The following CD72 variants were observed in gnomAD, a reference collection of about 807,000 sequenced individuals.
CD72 encodes B-cell differentiation antigen CD72.
In CD72, 28 loss-of-function variants were observed where a neutral mutation model predicts 50.7. That is an observed-to-expected ratio of 0.55 (90% confidence interval 0.41 to 0.76). The LOEUF (loss-of-function observed/expected upper bound fraction) is 0.76. CD72 is among the 30% of genes least tolerant of loss of function. The probability of loss-of-function intolerance (pLI) is 0.00; values close to 1 mark genes in which losing one functional copy is unlikely to be tolerated. For missense variants in CD72, 403 were observed against 420.6 expected (o/e 0.96, Z 0.37); for synonymous variants, 176 against 171.2 (o/e 1.03, Z -0.22).
chr9:35,617,159 C>G lies in CD72; in HGVS notation c.262+17G>C. 3.9e-6 allele frequency: 6 copies of G among 1,556,226 alleles called. No individual in the cohort carries two copies. The highest frequency in any genetic ancestry group is 5.2e-6 in the Non-Finnish European group (6 of 1,149,892). On this transcript the variant is annotated intron_variant, in intron 3 of 8. Coordinates refer to ENST00000259633, the MANE Select transcript of CD72 (RefSeq NM_001782.3). The stretch of plus-strand genomic sequence containing the variant: ...CGAGCACTTGGCCCCGCGGCTGCCC[C>G]GCACAGGCACACTCACAGGGGAGAA...
intron 5 of CD72, among the ~76,000 whole-genome samples, chr9:35,613,720 C>G (rs890074385): frequency 1.3e-5 from 2 of 152,106 alleles, no homozygotes; most frequent in Admixed American, 6.6e-5. Flanking sequence ...AAAGAAATCC[C>G]TGCTGGGCAC....
intron 6 of CD72, among the ~76,000 whole-genome samples, chr9:35,612,307 G>A (rs1244316647): frequency 7.9e-5 from 12 of 152,148 alleles, no homozygotes; most frequent in Non-Finnish European, 1.2e-4. Flanking sequence ...AGTAGAGGCC[G>A]GGCGCAGTGG....
chr9:35,611,215 C>T (rs1563894060), intron 7 of CD72, among the ~76,000 whole-genome samples: 3 of 150,950 alleles, frequency 2.0e-5, no homozygotes, highest in Non-Finnish European at 4.4e-5. Flanking sequence ...TGCACCACTG[C>T]ACTCCAGTCT....
rs1244077138 is a variant in CD72, at chr9:35,610,314, G to T, written c.*23-14C>A. The T allele has an allele frequency of 8.3e-6, 2 of 241,240 alleles. No individual in the cohort carries two copies. The highest frequency in any genetic ancestry group is 1.3e-4 in the Admixed American group (2 of 15,986). 14.9% of individuals were successfully genotyped at this position (241,240 alleles called of 1,614,324 possible). On this transcript the variant is annotated splice_polypyrimidine_tract_variant and intron_variant, in intron 8 of 8. Transcript: ENST00000259633. ...TGGCATGAGTGTCTGGAAAAGTAAA[G>T]TATCAGTGAGCTCCATGGTTGACTT...
intron 7 of CD72, 49 bp downstream of exon 7, chr9:35,611,755 T>C (rs1233733998): frequency 1.0e-6 from 1 of 969,342 alleles, no homozygotes; most frequent in Non-Finnish European, 1.7e-6. Context: ...CATGTCTTTA[T>C]GGAGGGGATT....
Position 35,612,863 on chromosome 9 carries a change from T to C in CD72, c.819A>G (p.Glu273=), listed in dbSNP as rs778077034. 1 of 1,614,174 alleles carries C rather than the reference T, an allele frequency of 6.2e-7. No homozygotes were observed. The highest frequency in any genetic ancestry group is 8.5e-7 in the Non-Finnish European group (1 of 1,180,008). Residue 273 remains glutamate, a synonymous_variant, in exon 6 of 9, where the codon GAA becomes GAG. Coordinates refer to ENST00000259633, the MANE Select transcript of CD72 (RefSeq NM_001782.3). ...TLSSKLATFS[E]IYPQSHSYYF... is the part of the protein sequence containing the mutation. The stretch of plus-strand genomic sequence containing the variant: ...ATATGCTTACTGATTGTGGATAAAT[T>C]TCACTGAATGTGGCCAGCTTGGAAG...
chr9:35,616,531 C>G, intron 4 of CD72, 69 bp downstream of exon 4: 1 of 1,276,066 alleles, frequency 7.8e-7, no homozygotes, highest in Non-Finnish European at 1.1e-6. Context: ...TGAGGAAGAT[C>G]AGCTTTGGGG....
intron 8 of CD72, 145 bp from the exon 9 acceptor site, chr9:35,610,445 C>A (rs891473245): frequency 3.4e-6 from 1 of 298,046 alleles, no homozygotes; most frequent in Non-Finnish European, 6.7e-6. Flanking sequence ...CTGCCCACCC[C>A]ACCCTAACAA....
At chr9:35,617,993 C>T (rs1282330690) in intron 2 of CD72, 21 bp downstream of exon 2, 5 of 1,429,036 alleles carry the variant, frequency 3.5e-6, no homozygotes, top group Non-Finnish European at 4.9e-6. Context: ...AACAAACACA[C>T]ATCCCCCAGG....
At chr9:35,645,401 G>A (rs1823382310) in intron 1 of CD72, among the ~76,000 whole-genome samples, 1 of 151,970 alleles carries the variant, frequency 6.6e-6, no homozygotes, top group African/African-American at 2.4e-5. Context: ...GGCCAACACG[G>A]TGAAACCCCG....
chr9:35,610,822 C>T (rs764421536), intron 7 of CD72, 69 bp from the exon 8 acceptor site: 1 of 1,354,166 alleles, frequency 7.4e-7, no homozygotes, highest in Admixed American at 1.7e-5. Context: ...CTCCCCTTCC[C>T]CTGTATAAAA....
At chr9:35,617,385 T>C (rs1474060301) in intron 2 of CD72, 138 bp from the exon 3 acceptor site, 2 of 945,824 alleles carry the variant, frequency 2.1e-6, no homozygotes, top group African/African-American at 3.4e-5. Flanking sequence ...TGGGACACAG[T>C]GTCACTCTCC....
chr9:35,640,741 T>C (rs1449347646), intron 1 of CD72, among the ~76,000 whole-genome samples: 1 of 152,148 alleles, frequency 6.6e-6, no homozygotes, highest in Non-Finnish European at 1.5e-5. Context: ...GTAACAAACA[T>C]GGACCAGAAG....
At chr9:35,623,804 C>T (rs1451250462), upstream of CD72, among the ~76,000 whole-genome samples, 1 of 152,150 alleles carries the variant, frequency 6.6e-6, no homozygotes, top group Non-Finnish European at 1.5e-5. Context: ...ATCCCAGCTA[C>T]TCAGGAGGCT....
chr9:35,620,340 C>G (rs577487952), upstream of CD72, among the ~76,000 whole-genome samples: 3 of 152,046 alleles, frequency 2.0e-5, no homozygotes, highest in East Asian at 5.8e-4. Flanking sequence ...TGTGGTGGCT[C>G]GAACCTGTAG....
At chr9:35,638,014 A>G (rs1263887165) in intron 1 of CD72, among the ~76,000 whole-genome samples, 1 of 152,146 alleles carries the variant, frequency 6.6e-6, no homozygotes, top group East Asian at 1.9e-4. Context: ...TTCTTCTGCA[A>G]TACCACTTGG....
Position 35,643,304 on chromosome 9 carries a change from G to C in CD72, n.408+3099C>G, listed in dbSNP as rs142950758. 903 of 152,622 alleles carry C rather than the reference G, an allele frequency of 5.9e-3. 12 individuals are homozygous for C. Among genetic ancestry groups the C allele is most frequent in the African/African-American group, 0.021 (855 of 41,522 alleles). 9.5% of individuals were successfully genotyped at this position (152,622 alleles called of 1,614,324 possible). ...GGCTGACTCCTTCCCACATCTGCTC[G>C]GCTTAGCAGCTGAAGACCGACACTG... is the stretch of plus-strand genomic sequence containing the variant. On this transcript the variant is annotated intron_variant and non_coding_transcript_variant, in intron 1 of 3. Coordinates refer to the CD72 transcript ENST00000465754.
At chr9:35,617,793 T>TG (rs1823090566) in intron 2 of CD72, among the ~76,000 whole-genome samples, 1 of 152,104 alleles carries the variant, frequency 6.6e-6, no homozygotes, top group Non-Finnish European at 1.5e-5. Context: ...GGCCATGGCA[T>TG]GGGGGCGCAC....
intron 1 of CD72, among the ~76,000 whole-genome samples, chr9:35,629,045 A>AT (rs1428741918): frequency 1.3e-5 from 2 of 151,440 alleles, no homozygotes; most frequent in African/African-American, 2.4e-5. Flanking sequence ...TGGCTAATTA[A>AT]ATTTTTTTTT....
Sources: gnomAD v4.1 joint callset for allele counts (sites outside exome capture counted in the v4.1 genomes callset) on GRCh38, gnomAD v4.1.1 for gene constraint, MANE v1.5 for transcripts, NCBI Gene and HGNC (gene_info 2026-07-23, HGNC 2026-07-21) for gene names.